The following FGB variants were observed in gnomAD, a reference collection of about 807,000 sequenced individuals.
The protein encoded by FGB is fibrinogen beta chain.
A neutral mutation model predicts 57.9 loss-of-function variants in FGB; 25 were observed. The observed-to-expected ratio is 0.43, with a 90% CI of 0.31 to 0.60. FGB has a LOEUF of 0.60. FGB is among the 20% of genes least tolerant of loss of function. The pLI is 0.08. For missense variants in FGB, 536 were observed against 598.4 expected (o/e 0.90, Z 1.09); for synonymous variants, 203 against 199.2 (o/e 1.02, Z -0.16).
chr4:154,564,009 A>G (rs1342072955), intron 1 of FGB, among the ~76,000 whole-genome samples: 2 of 152,002 alleles, frequency 1.3e-5, no homozygotes, highest in Admixed American at 6.5e-5. Flanking sequence ...CAGACTCTAC[A>G]TGTAAGAACA....
At position 154,569,657 on chromosome 4, in the gene FGB, T is replaced by C; in HGVS notation, c.1102T>C (p.Tyr368His). The change falls in exon 7 of 8, where the codon TAC (tyrosine) becomes CAC (histidine). Residue 368 changes from tyrosine (Y) to histidine (H), a missense_variant. By Grantham distance (83) the Tyr-to-His change is moderately conservative. Transcript: ENST00000302068. ...CACTGTACAGAATGAAGCCAACAAATACCAGATCTCAGTGAACAAATACAG... is the reference window on the plus strand; with the variant it reads ...CACTGTACAGAATGAAGCCAACAAACACCAGATCTCAGTGAACAAATACAG... ...GFTVQNEANK[Y>H]QISVNKYRGT... is the part of the protein sequence containing the mutation. 6.2e-7 allele frequency: 1 copy of C among 1,614,104 alleles called. No homozygotes were observed. The highest frequency in any genetic ancestry group is 8.5e-7 in the Non-Finnish European group (1 of 1,179,994).
rs1052028294 is a variant in FGB at position 154,571,375 on chromosome 4, C to T, written c.*725C>T. Among the ~76,000 whole-genome samples, 2 of 151,782 alleles carry T rather than the reference C, an allele frequency of 1.3e-5. No homozygotes were observed. The highest frequency in any genetic ancestry group is 4.8e-5 in the African/African-American group (2 of 41,266). ...AATTAGCCAGGCGTGGTGGCAGGTG[C>T]CTGTAGTCCCAGCTACCTGTGAGGT... On this transcript the variant is annotated 3_prime_UTR_variant, in exon 8 of 8. Transcript: ENST00000302068.
At chr4:154,564,887 C>G (rs1225122264) in intron 1 of FGB, among the ~76,000 whole-genome samples, 1 of 151,952 alleles carries the variant, frequency 6.6e-6, no homozygotes, top group Non-Finnish European at 1.5e-5. Context: ...AATGCACAAG[C>G]CTTGAGAATT....
Position 154,567,830 on chromosome 4 carries a change from T to G in FGB, c.718+10T>G, listed in dbSNP as rs1466560138. On this transcript the variant is annotated intron_variant, in intron 4 of 7. Transcript: ENST00000302068. The stretch of plus-strand genomic sequence containing the variant: ...GTGGTGTCTGGCAAAGGTAACTGAT[T>G]CATAAACATATTTTTAGAGAGTTCC... 1 of 1,586,010 alleles carries G rather than the reference T, an allele frequency of 6.3e-7. No homozygotes were observed. The highest frequency in any genetic ancestry group is 8.7e-7 in the Non-Finnish European group (1 of 1,155,052).
intron 1 of FGB, among the ~76,000 whole-genome samples, chr4:154,564,184 T>C (rs771959954): frequency 6.6e-5 from 10 of 152,066 alleles, no homozygotes; most frequent in Admixed American, 3.9e-4. Flanking sequence ...CTCACAGAGA[T>C]AGTTTAATAG....
intron 2 of FGB, among the ~76,000 whole-genome samples, chr4:154,566,267 G>A (rs1730155831): frequency 6.6e-6 from 1 of 151,986 alleles, no homozygotes; most frequent in African/African-American, 2.4e-5. Flanking sequence ...TTGTTTAGTT[G>A]GTAAAATTTT....
rs553406972 is a variant in FGB at position 154,572,457 on chromosome 4, A to T, written c.*1807A>T. On this transcript the variant is annotated 3_prime_UTR_variant, in exon 8 of 8. Coordinates refer to ENST00000302068, the MANE Select transcript of FGB (RefSeq NM_005141.5). Reference sequence around the variant, plus strand: ...GTAAAGAGTATGTAGTTTATATAACATTTCTACTTAGCACTCTCCACTTAG... The same window carrying T: ...GTAAAGAGTATGTAGTTTATATAACTTTTCTACTTAGCACTCTCCACTTAG... Among the ~76,000 whole-genome samples, 1 of 152,236 alleles carries T rather than the reference A, an allele frequency of 6.6e-6. No individual in the cohort carries two copies. Among genetic ancestry groups the T allele is most frequent in the Non-Finnish European group, 1.5e-5 (1 of 68,014 alleles).
rs1277527179 is a variant in FGB, at chr4:154,568,410, G to A, written c.748G>A (p.Glu250Lys). The change falls in exon 5 of 8, where the codon GAA becomes AAA. Residue 250 changes from glutamate (E) to lysine (K), a missense_variant. This residue lies in a region of FGB where 354 missense variants were observed against 383.4 expected (regional missense o/e 0.92). Coordinates refer to ENST00000302068, the MANE Select transcript of FGB (RefSeq NM_005141.5). ...TGAGGAAATTATCAGGAAAGGAGGT[G>A]AAACATCTGAAATGTATCTCATTCA... ...ECEEIIRKGG[E>K]TSEMYLIQPD... 2 of 1,604,084 alleles carry A rather than the reference G, an allele frequency of 1.2e-6. No homozygotes were observed. The highest frequency in any genetic ancestry group is 1.1e-5 in the South Asian group (1 of 90,882).
At chr4:154,569,373 A>G in intron 6 of FGB, 66 bp downstream of exon 6, 1 of 1,607,260 alleles carries the variant, frequency 6.2e-7, no homozygotes, top group South Asian at 1.1e-5. Context: ...ATTAAAAAAC[A>G]TTCATTGTTG....
Position 154,566,591 on chromosome 4 carries a change from G to C in FGB, c.409G>C (p.Val137Leu). Residue 137 changes from valine (V) to leucine (L), a missense_variant, in exon 3 of 8, where the codon GTT becomes CTT. Physicochemically the swap from Val to Leu is conservative, Grantham distance 32 (BLOSUM62 1). Coordinates refer to ENST00000302068, the MANE Select transcript of FGB (RefSeq NM_005141.5). The stretch of plus-strand genomic sequence containing the variant: ...TGAGTTAAATAACAATGTGGAAGCT[G>C]TTTCCCAGACCTCCTCTTCTTCCTT... ...VDELNNNVEAVSQTSSSSFQY... is the reference protein window; with the variant it reads ...VDELNNNVEALSQTSSSSFQY... The C allele has an allele frequency of 6.2e-7, 1 of 1,614,054 alleles. No individual in the cohort carries two copies. The highest frequency in any genetic ancestry group is 8.5e-7 in the Non-Finnish European group (1 of 1,179,990).
Position 154,569,227 on chromosome 4 carries a change from G to T in FGB, c.878G>T (p.Gly293Val). The change falls in exon 6 of 8, where the codon GGC becomes GTC. Residue 293 changes from glycine to valine, a missense_variant. Gly to Val is a moderately radical substitution (Grantham distance 109). Around this residue, in one of 3 missense-constraint regions of FGB, gnomAD observed 354 missense variants for 383.4 expected, o/e 0.92. Transcript: ENST00000302068. ...QNRQDGSVDFGRKWDPYKQGF... is the reference protein window; with the variant it reads ...QNRQDGSVDFVRKWDPYKQGF... ...CGTCAAGACGGTAGTGTTGACTTTG[G>T]CAGGAAATGGGATCCATATAAACAG... 1 of 1,614,110 alleles carries T rather than the reference G, an allele frequency of 6.2e-7. No homozygotes were observed. The highest frequency in any genetic ancestry group is 8.5e-7 in the Non-Finnish European group (1 of 1,179,994).
At position 154,571,468 on chromosome 4, in the gene FGB, C is replaced by CAA. The variant is rs57313183; in HGVS notation, c.*833_*834dup. ...TGGGCAACAGCGTGAGACTCCACCT[C>CAA]AAAAAAAAAAAAAAAAGAATCTGAC... On this transcript the variant is annotated 3_prime_UTR_variant, in exon 8 of 8. Coordinates refer to ENST00000302068, the MANE Select transcript of FGB (RefSeq NM_005141.5). 7.7e-4 allele frequency among the ~76,000 whole-genome samples: 84 copies of CAA among 109,610 alleles called. No individual in the cohort carries two copies. Among genetic ancestry groups the CAA allele is most frequent in the Admixed American group, 2.4e-3 (27 of 11,256 alleles). 71.9% of individuals were successfully genotyped at this position (109,610 alleles called of 152,430 possible).
At chr4:154,566,074 T>C in intron 2 of FGB, 75 bp downstream of exon 2, 7 of 1,255,600 alleles carry the variant, frequency 5.6e-6, no homozygotes, top group Non-Finnish European at 8.0e-6. Flanking sequence ...AGTCTGCTAA[T>C]GTTTCACTGA....
intron 4 of FGB, 60 bp downstream of exon 4, chr4:154,567,880 A>G: frequency 8.6e-7 from 1 of 1,161,770 alleles, no homozygotes; most frequent in Middle Eastern, 1.9e-4. Context: ...ACCAAAAATA[A>G]GAGAACAACA....
At chr4:154,566,053 G>A (rs374414355) in intron 2 of FGB, 54 bp downstream of exon 2, 31 of 1,495,704 alleles carry the variant, frequency 2.1e-5, no homozygotes, top group East Asian at 1.6e-4. Context: ...GAGAAAGCCT[G>A]TAGTCATGGC....
Position 154,571,217 on chromosome 4 carries a change from C to T in FGB, c.*567C>T, listed in dbSNP as rs1274477840. Reference sequence around the variant, plus strand: ...GAATATTTGAAGATTTAAAATCTGACTCTAGGACGGGCACGGTGGCTCACG... The same window carrying T: ...GAATATTTGAAGATTTAAAATCTGATTCTAGGACGGGCACGGTGGCTCACG... On this transcript the variant is annotated 3_prime_UTR_variant, in exon 8 of 8. Coordinates refer to ENST00000302068, the MANE Select transcript of FGB (RefSeq NM_005141.5). 1.1e-5 allele frequency: 2 copies of T among 179,826 alleles called. No individual in the cohort carries two copies. Among genetic ancestry groups the T allele is most frequent in the Admixed American group, 1.1e-4 (2 of 17,918 alleles). The allele number at this position is 179,826 out of a possible 1,614,324, so 11.1% of individuals were successfully genotyped here.
chr4:154,570,669 T>C lies in FGB; in HGVS notation c.*19T>C. On this transcript the variant is annotated 3_prime_UTR_variant, in exon 8 of 8. Coordinates refer to ENST00000302068, the MANE Select transcript of FGB (RefSeq NM_005141.5). ...GCAATAGTCCCCAATACGTAGATTTTTGCTCTTCTGTATGTGACAACATTT... is the reference window on the plus strand; with the variant it reads ...GCAATAGTCCCCAATACGTAGATTTCTGCTCTTCTGTATGTGACAACATTT... 1 of 1,593,112 alleles carries C rather than the reference T, an allele frequency of 6.3e-7. No individual in the cohort carries two copies. Among genetic ancestry groups the C allele is most frequent in the Non-Finnish European group, 8.6e-7 (1 of 1,161,002 alleles).
intron 6 of FGB, 33 bp from the exon 7 acceptor site, chr4:154,569,481 T>A: frequency 6.2e-7 from 1 of 1,602,096 alleles, no homozygotes; most frequent in African/African-American, 1.3e-5. Context: ...AAAATTTTAT[T>A]TTTGGTGAGA....
intron 5 of FGB, 85 bp downstream of exon 5, chr4:154,568,579 C>A (rs1730272624): frequency 8.7e-6 from 7 of 808,142 alleles, no homozygotes; most frequent in Non-Finnish European, 1.5e-5. Flanking sequence ...GGTGTGGTGG[C>A]TCATACCTGT....
Sources: allele counts gnomAD v4.1 joint callset (sites outside exome capture counted in the v4.1 genomes callset), GRCh38; gene constraint gnomAD v4.1.1; regional missense constraint gnomAD v4.1.1; transcripts MANE v1.5; gene names NCBI Gene and HGNC (gene_info 2026-07-23, HGNC 2026-07-21).